Variants in DCC observed in about 807,000 individuals in gnomAD.
DCC encodes the protein DCC netrin 1 receptor.
A neutral mutation model predicts 172.5 loss-of-function variants in DCC; 58 were observed. The ratio of observed to expected loss-of-function variants is 0.34; its 90% CI spans 0.27 to 0.42. The LOEUF is 0.42. Among genes scored for constraint, DCC ranks in the 10% least tolerant of loss-of-function variants. The pLI, the probability that DCC is intolerant of heterozygous loss-of-function variation, is 1.00. For synonymous variants in DCC, 709 were observed against 644.5 expected (o/e 1.10, Z -1.52); for missense variants, 1,740 against 1,791.0 (o/e 0.97, Z 0.51).
chr18:53,001,295 G>A (rs1363334669), intron 5 of DCC, among the ~76,000 whole-genome samples: 1 of 152,066 alleles, frequency 6.6e-6, no homozygotes, highest in African/African-American at 2.4e-5. Context: ...TTGTCTAAAA[G>A]TGCTTTATGT....
At chr18:52,847,869 T>C (rs532149938) in intron 2 of DCC, among the ~76,000 whole-genome samples, 19 of 152,324 alleles carry the variant, frequency 1.2e-4, no homozygotes, top group Non-Finnish European at 2.6e-4. Flanking sequence ...TCACTTACCA[T>C]TTCTCTCATC....
chr18:52,898,055 G>T lies in DCC; in HGVS notation c.413-7989G>T, dbSNP rs1026822218. On this transcript the variant is annotated intron_variant, in intron 2 of 28. Transcript: ENST00000442544. ...TAATTTGAGAATTTAAAAGGGCAAA[G>T]GAGGTCTGGCTTTGAAGGGATGTAA... Among the ~76,000 whole-genome samples, 34 of 152,206 alleles carry T rather than the reference G, an allele frequency of 2.2e-4. 1 individual carries two copies. The highest frequency in any genetic ancestry group is 7.2e-4 in the African/African-American group (30 of 41,444).
At chr18:52,545,593 C>T (rs1475980254) in intron 1 of DCC, among the ~76,000 whole-genome samples, 1 of 152,150 alleles carries the variant, frequency 6.6e-6, no homozygotes, top group Non-Finnish European at 1.5e-5. Context: ...AAATAGTTCC[C>T]TTGTACCCGG....
In DCC at chr18:52,703,889, T is replaced by C. The variant is rs142035504; in HGVS notation, c.92-48165T>C. Among the ~76,000 whole-genome samples, 813 of 152,186 alleles carry C rather than the reference T, an allele frequency of 5.3e-3. 9 individuals are homozygous for C. The highest frequency in any genetic ancestry group is 0.019 in the African/African-American group (783 of 41,530). On this transcript the variant is annotated intron_variant, in intron 1 of 28. Coordinates refer to ENST00000442544, the MANE Select transcript of DCC (RefSeq NM_005215.4). ...GATTGTGGATAGAGATGGAACAACA[T>C]AGGGTCCAGGGATCTGTGACTGAAT...
chr18:52,929,321 C>A (rs1030396083), intron 5 of DCC, among the ~76,000 whole-genome samples: 2 of 151,950 alleles, frequency 1.3e-5, no homozygotes, highest in Non-Finnish European at 2.9e-5. Flanking sequence ...CTGTCTGCTC[C>A]ACACATTCCT....
chr18:53,132,380 C>G (rs1422239325), intron 7 of DCC, among the ~76,000 whole-genome samples: 1 of 151,972 alleles, frequency 6.6e-6, no homozygotes, highest in Non-Finnish European at 1.5e-5. Context: ...TAGGCTTGCT[C>G]CAGCACACTG....
chr18:52,764,733 C>T (rs746244913), intron 2 of DCC, among the ~76,000 whole-genome samples: 1 of 146,044 alleles, frequency 6.8e-6, no homozygotes, highest in Non-Finnish European at 1.5e-5. Flanking sequence ...TATAAGTTAT[C>T]CAACCTCAGA....
chr18:53,316,832 T>C (rs1400734730), intron 13 of DCC, among the ~76,000 whole-genome samples: 1 of 152,214 alleles, frequency 6.6e-6, no homozygotes, highest in Non-Finnish European at 1.5e-5. Context: ...CTTAACAGCT[T>C]AAGGAAATTT....
At chr18:52,941,814 G>A (rs1004662163) in intron 5 of DCC, among the ~76,000 whole-genome samples, 9 of 151,608 alleles carry the variant, frequency 5.9e-5, no homozygotes, top group African/African-American at 2.2e-4. Flanking sequence ...ATGGAGTCTT[G>A]CTCTGTCACC....
At chr18:52,986,557 T>A (rs2041295788) in intron 5 of DCC, among the ~76,000 whole-genome samples, 1 of 152,102 alleles carries the variant, frequency 6.6e-6, no homozygotes, top group South Asian at 2.1e-4. Flanking sequence ...CTTCCATATA[T>A]CTATCCAAAA....
At chr18:52,463,325 C>T (rs1211574066) in intron 1 of DCC, among the ~76,000 whole-genome samples, 1 of 151,976 alleles carries the variant, frequency 6.6e-6, no homozygotes, top group Non-Finnish European at 1.5e-5. Context: ...CTCGACTGCA[C>T]TGGCCACCTC....
chr18:53,034,671 T>C (rs1434658031), intron 5 of DCC, among the ~76,000 whole-genome samples: 1 of 151,678 alleles, frequency 6.6e-6, no homozygotes, highest in African/African-American at 2.4e-5. Flanking sequence ...CTGATCAATC[T>C]GTCATATTAA....
chr18:52,646,940 C>T (rs1311724750), intron 1 of DCC, among the ~76,000 whole-genome samples: 1 of 152,132 alleles, frequency 6.6e-6, no homozygotes, highest in Non-Finnish European at 1.5e-5. Flanking sequence ...TTAGGAGGCC[C>T]ACTCCAAGAC....
At chr18:53,451,458 GTCCTTTT>G (rs2045411445) in intron 23 of DCC, among the ~76,000 whole-genome samples, 2 of 152,228 alleles carry the variant, frequency 1.3e-5, no homozygotes, top group South Asian at 4.2e-4. Flanking sequence ...TGACTTTCTA[GTCCTTTT>G]AAAATTCAGC....
At chr18:52,985,332 T>G (rs1209170665) in intron 5 of DCC, among the ~76,000 whole-genome samples, 2 of 152,188 alleles carry the variant, frequency 1.3e-5, no homozygotes, top group African/African-American at 4.8e-5. Context: ...TTCATCATAC[T>G]TACTTAATAG....
chr18:52,992,560 G>T (rs2041410541), intron 5 of DCC, among the ~76,000 whole-genome samples: 1 of 152,128 alleles, frequency 6.6e-6, no homozygotes, highest in Admixed American at 6.6e-5. Flanking sequence ...TTCCTTAAAA[G>T]ATGCCAGATA....
At position 53,496,351 on chromosome 18, in the gene DCC, C is replaced by A. The variant is rs977882294; in HGVS notation, c.3899-2947C>A. ...ATCCAACAAACTCCAGCAGACCTGC[C>A]ACAGAGGGGCCTGACTGTTTGTTAG... On this transcript the variant is annotated intron_variant, in intron 26 of 28. Transcript: ENST00000442544. Among the ~76,000 whole-genome samples the A allele has an allele frequency of 6.2e-4, 95 of 152,146 alleles. 1 individual carries two copies. The highest frequency in any genetic ancestry group is 1.1e-3 in the Non-Finnish European group (73 of 68,024).
chr18:52,664,108 G>A (rs559929538), intron 1 of DCC, among the ~76,000 whole-genome samples: 177 of 152,306 alleles, frequency 1.2e-3, no homozygotes, highest in African/African-American at 3.7e-3. Context: ...ATGGCCTGGA[G>A]GTTTAATTTG....
intron 12 of DCC, among the ~76,000 whole-genome samples, chr18:53,222,513 T>C (rs2055956832): frequency 6.6e-6 from 1 of 151,548 alleles, no homozygotes; most frequent in Non-Finnish European, 1.5e-5. Flanking sequence ...GCCTCCTGAG[T>C]AGCTGGGACT....
Sources: allele counts gnomAD v4.1 joint callset (sites outside exome capture counted in the v4.1 genomes callset), GRCh38; gene constraint gnomAD v4.1.1; transcripts MANE v1.5; gene names NCBI Gene and HGNC (gene_info 2026-07-23, HGNC 2026-07-21).